CNTNAP3B: variants seen among roughly 807,000 people sequenced by gnomAD.
CNTNAP3B encodes contactin-associated protein-like 3B.
In CNTNAP3B, 25 loss-of-function variants were observed where a neutral mutation model predicts 108.9. The ratio of observed to expected loss-of-function variants is 0.23; its 90% CI spans 0.17 to 0.32. CNTNAP3B has a LOEUF of 0.32. Ranked by LOEUF, CNTNAP3B falls within the 10% of genes least tolerant of loss-of-function variation. The pLI is 1.00. For synonymous variants in CNTNAP3B, 103 were observed against 473.4 expected, an observed-to-expected ratio of 0.22 and a Z score of 10.16; for missense variants, 252 against 1,210.4, an observed-to-expected ratio of 0.21 and a Z score of 11.75.
At chr9:42,121,851 G>A (rs1828470412) in intron 1 of CNTNAP3B, among the ~76,000 whole-genome samples, 1 of 140,584 alleles carries the variant, frequency 7.1e-6, no homozygotes, top group South Asian at 2.3e-4. Flanking sequence ...TAACCTACTT[G>A]CAAGCTAACA....
intron 10 of CNTNAP3B, among the ~76,000 whole-genome samples, chr9:41,969,695 G>A (rs566629675): frequency 1.8e-4 from 28 of 151,448 alleles, no homozygotes; most frequent in African/African-American, 6.6e-4. Context: ...TCTGCTCACT[G>A]CAAGCTCCAC....
intron 10 of CNTNAP3B, among the ~76,000 whole-genome samples, chr9:41,968,924 G>A (rs1437938801): frequency 1.3e-5 from 2 of 152,124 alleles, no homozygotes; most frequent in African/African-American, 2.4e-5. Flanking sequence ...AGCCTGCCGA[G>A]TAGCTGGAAC....
intron 13 of CNTNAP3B, among the ~76,000 whole-genome samples, chr9:41,949,150 C>T (rs1295911293): frequency 5.3e-4 from 42 of 79,088 alleles, no homozygotes; most frequent in African/African-American, 6.8e-4. Flanking sequence ...ACAGCACTTA[C>T]AATCAATCAA....
At chr9:42,077,801 G>A (rs1827524251) in intron 2 of CNTNAP3B, among the ~76,000 whole-genome samples, 1 of 85,030 alleles carries the variant, frequency 1.2e-5, no homozygotes, top group South Asian at 4.2e-4. Flanking sequence ...GGGTATTGAA[G>A]AAGATGCATG....
chr9:41,959,443 A>T (rs1232462224), intron 12 of CNTNAP3B, among the ~76,000 whole-genome samples: 2 of 152,302 alleles, frequency 1.3e-5, no homozygotes, highest in Non-Finnish European at 2.9e-5. Context: ...AGATTTTGTC[A>T]GTAGATACTT....
rs1823708122 is a variant in CNTNAP3B at position 41,922,861 on chromosome 9, C to T, written c.2571G>A (p.Gly857=). Residue 857 remains glycine, a synonymous_variant, in exon 17 of 24, where the codon GGG becomes GGA. Coordinates refer to ENST00000377561, the MANE Select transcript of CNTNAP3B (RefSeq NM_001201380.3). ...PTEVTFSFDV[G]NGPCEVTVQS... Reference sequence around the variant, plus strand: ...GCACCGTGACCTCACAAGGTCCATTCCCCACATCGAAGGAAAATGTCACTT... The same window carrying T: ...GCACCGTGACCTCACAAGGTCCATTTCCCACATCGAAGGAAAATGTCACTT... 6.2e-7 allele frequency: 1 copy of T among 1,611,818 alleles called. No homozygotes were observed. The highest frequency in any genetic ancestry group is 1.7e-5 in the Admixed American group (1 of 59,946).
intron 1 of CNTNAP3B, among the ~76,000 whole-genome samples, chr9:42,127,824 T>C (rs1485026528): frequency 7.2e-6 from 1 of 139,142 alleles, no homozygotes; most frequent in Non-Finnish European, 1.5e-5. Flanking sequence ...GTGCCCTGTG[T>C]GTGAAGAAAC....
At chr9:42,089,632 A>T (rs1193041380) in intron 2 of CNTNAP3B, among the ~76,000 whole-genome samples, 1 of 147,900 alleles carries the variant, frequency 6.8e-6, no homozygotes, top group Non-Finnish European at 1.5e-5. Context: ...TTCATTTTGT[A>T]TTAAAAATAT....
At chr9:42,043,032 T>G (rs1278242946) in intron 3 of CNTNAP3B, among the ~76,000 whole-genome samples, 1 of 149,828 alleles carries the variant, frequency 6.7e-6, no homozygotes, top group Non-Finnish European at 1.5e-5. Flanking sequence ...TTTTGAGCAC[T>G]TCCCACATAC....
intron 9 of CNTNAP3B, among the ~76,000 whole-genome samples, chr9:41,972,902 CATGTGGTG>C (rs1825446881): frequency 1.5e-5 from 2 of 129,116 alleles, no homozygotes; most frequent in Admixed American, 1.6e-4. Context: ...TTTCTTTCAC[CATGTGGTG>C]TTTCCTGACA....
chr9:41,925,956 T>A (rs1200213329), intron 15 of CNTNAP3B, among the ~76,000 whole-genome samples: 239 of 152,306 alleles, frequency 1.6e-3, no homozygotes, highest in African/African-American at 5.4e-3. Context: ...GGCTATTTAC[T>A]AGGGTGTCAT....
intron 14 of CNTNAP3B, among the ~76,000 whole-genome samples, chr9:41,930,969 T>C (rs1298112972): frequency 1.3e-5 from 2 of 152,394 alleles, no homozygotes; most frequent in South Asian, 4.1e-4. Flanking sequence ...TTTTATTACA[T>C]ATATGTCTCA....
intron 3 of CNTNAP3B, among the ~76,000 whole-genome samples, chr9:42,033,244 C>G (rs1277102854): frequency 6.8e-6 from 1 of 147,662 alleles, no homozygotes; most frequent in South Asian, 2.1e-4. Flanking sequence ...TAATCTTACC[C>G]AATTTGACTT....
Position 41,893,870 on chromosome 9 carries a change from C to A in CNTNAP3B, c.*119G>T. 1.0e-5 allele frequency: 1 copy of A among 97,054 alleles called. No homozygotes were observed. Among genetic ancestry groups the A allele is most frequent in the Non-Finnish European group, 1.8e-5 (1 of 55,650 alleles). The allele number at this position is 97,054 out of a possible 1,614,324, so 6.0% of individuals were successfully genotyped here. A position where few individuals can be genotyped will look rare whatever the true frequency, so the allele number is the denominator to read the frequency against. ...CCTGCTGTGTGCACCCTGATGGCAA[C>A]AGCAGGGAAGTCCACAGTCACGATG... is the stretch of plus-strand genomic sequence containing the variant. On this transcript the variant is annotated 3_prime_UTR_variant, in exon 24 of 24. Transcript: ENST00000377561.
intron 18 of CNTNAP3B, among the ~76,000 whole-genome samples, chr9:41,916,176 T>G (rs1192787713): frequency 6.8e-6 from 1 of 147,640 alleles, no homozygotes; most frequent in East Asian, 1.9e-4. Context: ...TTCCTCTGAC[T>G]CATGTTACCA....
chr9:41,967,121 AG>A (rs1207815955), intron 10 of CNTNAP3B, among the ~76,000 whole-genome samples: 1 of 148,892 alleles, frequency 6.7e-6, no homozygotes, highest in Non-Finnish European at 1.5e-5. Context: ...TAGGATTTTT[AG>A]GTGTGGTATT....
intron 15 of CNTNAP3B, among the ~76,000 whole-genome samples, chr9:41,926,336 AG>A (rs1478805698): frequency 2.0e-5 from 3 of 152,290 alleles, no homozygotes; most frequent in Admixed American, 6.5e-5. Context: ...AGAAGGGAAA[AG>A]AATCAATAAG....
intron 2 of CNTNAP3B, among the ~76,000 whole-genome samples, chr9:42,079,600 C>T (rs1469581325): frequency 1.5e-5 from 2 of 133,360 alleles, no homozygotes; most frequent in Non-Finnish European, 3.2e-5. Flanking sequence ...CTGCTCACTG[C>T]AACCTCCAAC....
At chr9:42,066,593 A>AT (rs1291766840) in intron 3 of CNTNAP3B, among the ~76,000 whole-genome samples, 1 of 129,576 alleles carries the variant, frequency 7.7e-6, no homozygotes, top group African/African-American at 3.2e-5. Flanking sequence ...CATCTGGCTA[A>AT]TTTTTTTGTA....
Sources: gnomAD v4.1 joint callset for allele counts (sites outside exome capture counted in the v4.1 genomes callset) on GRCh38, gnomAD v4.1.1 for gene constraint, MANE v1.5 for transcripts, NCBI Gene and HGNC (gene_info 2026-07-23, HGNC 2026-07-21) for gene names.